Variants in SLC22A11 observed in about 807,000 individuals in gnomAD.
SLC22A11 encodes the protein organic anion transporter 4.
In SLC22A11, 42 loss-of-function variants were observed where a neutral mutation model predicts 49.4. The ratio of observed to expected loss-of-function variants is 0.85; its 90% CI spans 0.66 to 1.10. SLC22A11 has a LOEUF of 1.10. Ranked by LOEUF, SLC22A11 falls within the 50% of genes least tolerant of loss-of-function variation. The pLI is 0.00. For missense variants in SLC22A11, 685 were observed against 731.6 expected (o/e 0.94, Z 0.74); for synonymous variants, 304 against 315.8 (o/e 0.96, Z 0.40).
chr11:64,566,862 G>C (rs1368792582), intron 6 of SLC22A11, among the ~76,000 whole-genome samples: 1 of 152,192 alleles, frequency 6.6e-6, no homozygotes, highest in African/African-American at 2.4e-5. Flanking sequence ...TTACCTTGCA[G>C]CCAGTTGTGG....
In SLC22A11 at chr11:64,562,524, G is replaced by C. The variant is rs2038564270; in HGVS notation, c.821+89G>C. 7.2e-7 allele frequency: 1 copy of C among 1,383,880 alleles called. No individual in the cohort carries two copies. Among genetic ancestry groups the C allele is most frequent in the Non-Finnish European group, 9.6e-7 (1 of 1,036,646 alleles). The allele number at this position is 1,383,880 out of a possible 1,614,324, so 85.7% of individuals were successfully genotyped here. A position where few individuals can be genotyped will look rare whatever the true frequency, so the allele number is the denominator to read the frequency against. ...ACCTCTCTGGCTGGCAGTAGGTCCA[G>C]AGACCTGGAGTGCCACAGAAGGGCC... On this transcript the variant is annotated intron_variant, in intron 4 of 9. Transcript: ENST00000301891. This position sits in a 1 kb window ranked among gnomAD's most constrained non-coding sequence, Gnocchi z 4.4.
Position 64,567,759 on chromosome 11 carries a change from G to C in SLC22A11, c.1219G>C (p.Gly407Arg), listed in dbSNP as rs760230780. The C allele has an allele frequency of 1.9e-6, 3 of 1,612,576 alleles. No individual in the cohort carries two copies. The highest frequency in any genetic ancestry group is 2.7e-5 in the African/African-American group (2 of 74,902). The change falls in exon 7 of 10, where the codon GGT (glycine) becomes CGT (arginine). Residue 407 changes from glycine (G) to arginine (R), a missense_variant. By Grantham distance (125) the Gly-to-Arg change is moderately radical (BLOSUM62 -2). Transcript: ENST00000301891. ...SFLGRRTIQA[G>R]SQAMAGLAIL... ...CCTTGGCCGCCGCACCATCCAGGCG[G>C]GTTCCCAGGCCATGGCCGGCCTCGC...
At chr11:64,570,841 G>A (rs542817780) in intron 9 of SLC22A11, 138 bp from the exon 10 acceptor site, 70 of 724,416 alleles carry the variant, frequency 9.7e-5, no homozygotes, top group Middle Eastern at 2.4e-4. Flanking sequence ...GCACTGTCCC[G>A]CTTGGGTACA....
In SLC22A11 at chr11:64,556,333, C is replaced by T. The variant is rs1380295051; in HGVS notation, c.334C>T (p.Pro112Ser). The T allele has an allele frequency of 1.2e-6, 2 of 1,613,306 alleles. No homozygotes were observed. Among genetic ancestry groups the T allele is most frequent in the Non-Finnish European group, 1.7e-6 (2 of 1,180,026 alleles). The change falls in exon 1 of 10, where the codon CCG becomes TCG. Residue 112 changes from proline to serine, a missense_variant. Pro to Ser is a moderately conservative substitution (Grantham distance 74). Coordinates refer to ENST00000301891, the MANE Select transcript of SLC22A11 (RefSeq NM_018484.4). ...CAGCTGGAGCGAAGCTGACACGGAG[C>T]CGTGTGTGGACGGCTGGGTCTATGA... ...ATSWSEADTE[P>S]CVDGWVYDRS...
At chr11:64,568,629 C>G (rs2038661622) in intron 7 of SLC22A11, 41 bp from the exon 8 acceptor site, 2 of 1,558,170 alleles carry the variant, frequency 1.3e-6, no homozygotes, top group East Asian at 4.5e-5. Flanking sequence ...CCTGGGTACC[C>G]TCCAGGGCAA....
At position 64,565,660 on chromosome 11, in the gene SLC22A11, C is replaced by A. The variant is rs1228919430; in HGVS notation, c.1058+323C>A. 3 of 455,214 alleles carry A rather than the reference C, an allele frequency of 6.6e-6. No homozygotes were observed. The highest frequency in any genetic ancestry group is 5.1e-5 in the South Asian group (3 of 58,260). 28.2% of individuals were successfully genotyped at this position (455,214 alleles called of 1,614,324 possible). A position where few individuals can be genotyped will look rare whatever the true frequency, so the allele number is the denominator to read the frequency against. On this transcript the variant is annotated intron_variant, in intron 6 of 9. Coordinates refer to ENST00000301891, the MANE Select transcript of SLC22A11 (RefSeq NM_018484.4). This position sits in a 1 kb window ranked among gnomAD's most constrained non-coding sequence, Gnocchi z 4.1. ...GGGTCCCTAGAGCCAGGGGACCAGC[C>A]ACGGCCGAGGAGTACCACTGTGTGT... is the stretch of plus-strand genomic sequence containing the variant.
chr11:64,566,271 C>T, intron 6 of SLC22A11: 1 of 151,952 alleles, frequency 6.6e-6, no homozygotes, highest in Non-Finnish European at 1.5e-5. Context: ...ACCTAAGGAC[C>T]TGGTTTGATT....
rs905673772 is a variant in SLC22A11, at chr11:64,565,126, C to A, written c.943-96C>A. On this transcript the variant is annotated intron_variant, in intron 5 of 9. Coordinates refer to ENST00000301891, the MANE Select transcript of SLC22A11 (RefSeq NM_018484.4). The surrounding 1 kb of genome is among the most constrained non-coding windows in gnomAD (Gnocchi z 4.1). ...AGAGGCCGAGGCCCAGGACAGGCTC[C>A]CCGTCACTCTGGCCACTTGGACACT... The A allele has an allele frequency of 1.2e-5, 12 of 970,254 alleles. No individual in the cohort carries two copies. Among genetic ancestry groups the A allele is most frequent in the African/African-American group, 4.9e-5 (3 of 60,936 alleles). The allele number at this position is 970,254 out of a possible 1,614,324, so 60.1% of individuals were successfully genotyped here. A position where few individuals can be genotyped will look rare whatever the true frequency, so the allele number is the denominator to read the frequency against.
intron 1 of SLC22A11, among the ~76,000 whole-genome samples, 198 bp from the exon 2 acceptor site, chr11:64,558,937 G>A (rs749088897): frequency 3.3e-5 from 5 of 152,198 alleles, no homozygotes; most frequent in African/African-American, 9.7e-5. Context: ...GCTGGCAGAC[G>A]CAGAGCCAGG....
rs1191136297 is a variant in SLC22A11, at chr11:64,564,459, T to C, written c.942+31T>C. ...ATGCTGCTGTCTGCGAGACTTGACCTGGGACAGGACGTGCACTGAGGGATC... is the reference window on the plus strand; with the variant it reads ...ATGCTGCTGTCTGCGAGACTTGACCCGGGACAGGACGTGCACTGAGGGATC... On this transcript the variant is annotated intron_variant, in intron 5 of 9. Transcript: ENST00000301891. This position sits in a 1 kb window ranked among gnomAD's most constrained non-coding sequence, Gnocchi z 4.2. 2 of 1,612,250 alleles carry C rather than the reference T, an allele frequency of 1.2e-6. No homozygotes were observed. Among genetic ancestry groups the C allele is most frequent in the Admixed American group, 3.3e-5 (2 of 59,916 alleles).
intron 1 of SLC22A11, among the ~76,000 whole-genome samples, chr11:64,558,267 G>A (rs1048604533): frequency 2.6e-5 from 4 of 152,276 alleles, no homozygotes; most frequent in Admixed American, 6.5e-5. Flanking sequence ...CCTCATCCTC[G>A]TCATCCTCAT....
At chr11:64,569,999 G>T in intron 9 of SLC22A11, 141 bp downstream of exon 9, 2 of 726,794 alleles carry the variant, frequency 2.8e-6, no homozygotes, top group Non-Finnish European at 4.5e-6. Context: ...CAACAATCCT[G>T]CCAGAAATGT....
At position 64,565,363 on chromosome 11, in the gene SLC22A11, A is replaced by C; in HGVS notation, c.1058+26A>C. 1 of 1,529,666 alleles carries C rather than the reference A, an allele frequency of 6.5e-7. No individual in the cohort carries two copies. The highest frequency in any genetic ancestry group is 8.8e-7 in the Non-Finnish European group (1 of 1,132,990). The allele number at this position is 1,529,666 out of a possible 1,614,324, so 94.8% of individuals were successfully genotyped here. A position where few individuals can be genotyped will look rare whatever the true frequency, so the allele number is the denominator to read the frequency against. ...GTACGCCGTCCTGGTGTCCCTCCCC[A>C]AGGCAGGGCTGGGACAGGCAGGAGG... On this transcript the variant is annotated intron_variant, in intron 6 of 9. Transcript: ENST00000301891. This position sits in a 1 kb window ranked among gnomAD's most constrained non-coding sequence, Gnocchi z 4.1.
intron 4 of SLC22A11, among the ~76,000 whole-genome samples, chr11:64,563,478 C>T (rs1056717151): frequency 8.6e-5 from 13 of 152,010 alleles, no homozygotes; most frequent in Non-Finnish European, 1.6e-4. Context: ...GGCTGAGAGC[C>T]GGTGGGTTGG....
chr11:64,556,953 C>G (rs1591371447), intron 1 of SLC22A11, among the ~76,000 whole-genome samples: 1 of 152,180 alleles, frequency 6.6e-6, no homozygotes, highest in Admixed American at 6.5e-5. Context: ...TTTGGCCAAG[C>G]AAAGCATTCT....
At position 64,569,643 on chromosome 11, in the gene SLC22A11, C is replaced by A. The variant is rs766384699; in HGVS notation, c.1383-9C>A. On this transcript the variant is annotated splice_polypyrimidine_tract_variant and intron_variant, in intron 8 of 9. Transcript: ENST00000301891. ...TTACAGGGATCTGGGCCCTCCCCTTCACCCACAGGATGACAGCAGATGGCA... is the reference window on the plus strand; with the variant it reads ...TTACAGGGATCTGGGCCCTCCCCTTAACCCACAGGATGACAGCAGATGGCA... The A allele has an allele frequency of 1.2e-6, 2 of 1,611,384 alleles. No homozygotes were observed. The highest frequency in any genetic ancestry group is 1.7e-6 in the Non-Finnish European group (2 of 1,178,200).
chr11:64,565,244 A>T lies in SLC22A11; in HGVS notation c.965A>T (p.Glu322Val). 3 of 1,544,722 alleles carry T rather than the reference A, an allele frequency of 1.9e-6. No homozygotes were observed. The highest frequency in any genetic ancestry group is 2.6e-6 in the Non-Finnish European group (3 of 1,143,026). The change falls in exon 6 of 10, where the codon GAG (glutamate) becomes GTG (valine). Residue 322 changes from glutamate (E) to valine (V), a missense_variant. Transcript: ENST00000301891. This position sits in a 1 kb window ranked among gnomAD's most constrained non-coding sequence, Gnocchi z 4.1. Reference protein sequence around the residue: ...TIEVLMSSVKEEVASAKEPRS... With the variant: ...TIEVLMSSVKVEVASAKEPRS... ...AAGGTGCTGATGTCCAGCGTGAAGG[A>T]GGAGGTGGCCTCTGCAAAGGAGCCG... is the stretch of plus-strand genomic sequence containing the variant.
At position 64,564,146 on chromosome 11, in the gene SLC22A11, C is replaced by T. The variant is rs993504091; in HGVS notation, c.822-162C>T. Among the ~76,000 whole-genome samples, 12 of 152,148 alleles carry T rather than the reference C, an allele frequency of 7.9e-5. No individual in the cohort carries two copies. The highest frequency in any genetic ancestry group is 1.9e-4 in the East Asian group (1 of 5,178). ...TTGGGACTCAGCTTTATTCTGAAAC[C>T]GCTGGGGACTGCCAGGCTCCTGGCT... On this transcript the variant is annotated intron_variant, in intron 4 of 9. Coordinates refer to ENST00000301891, the MANE Select transcript of SLC22A11 (RefSeq NM_018484.4). The surrounding 1 kb of genome is among the most constrained non-coding windows in gnomAD (Gnocchi z 4.2).
rs748672959 is a variant in SLC22A11 at position 64,562,435 on chromosome 11, G to A, written c.821G>A (p.Trp274Ter). The change falls in exon 4 of 10, where the codon TGG becomes TAG. Residue 274 changes from tryptophan (W) to a stop codon, truncating the protein, a stop_gained and splice_region_variant. Transcript: ENST00000301891. LOFTEE classifies it high-confidence loss of function. The surrounding 1 kb of genome is among the most constrained non-coding windows in gnomAD (Gnocchi z 4.4). ...VPFFAISLISWWLPESARWLI... is the reference protein window; with the variant it reads ...VPFFAISLIS ...TTCTTTGCCATCTCCCTGATATCCT[G>A]GTCAGTATGATGTGGGACCTTTTCC... 1.3e-6 allele frequency: 2 copies of A among 1,571,832 alleles called. No homozygotes were observed. The highest frequency in any genetic ancestry group is 1.4e-5 in the African/African-American group (1 of 73,366).
Sources: gnomAD v4.1 joint callset for allele counts (sites outside exome capture counted in the v4.1 genomes callset) on GRCh38, gnomAD v4.1.1 for gene constraint, Gnocchi (gnomAD v3.1) non-coding constraint, MANE v1.5 for transcripts, NCBI Gene and HGNC (gene_info 2026-07-23, HGNC 2026-07-21) for gene names.